Variants in DPP6 observed in about 807,000 individuals in gnomAD.
The protein encoded by DPP6 is dipeptidyl peptidase like 6, also known as A-type potassium channel modulatory protein DPP6.
DPP6 carries 69 observed loss-of-function variants against 122.6 expected under a neutral mutation model. The ratio of observed to expected loss-of-function variants is 0.56; its 90% CI spans 0.46 to 0.69. The LOEUF is 0.69. Among genes scored for constraint, DPP6 ranks in the 30% least tolerant of loss-of-function variants. DPP6 has a pLI of 0.00. For synonymous variants in DPP6, 418 were observed against 433.1 expected (o/e 0.97, Z 0.43); for missense variants, 928 against 1,116.9 (o/e 0.83, Z 2.41).
At chr7:153,867,114 G>A in the DPP6 span, among the ~76,000 whole-genome samples, 295 of 152,264 alleles carry the variant, frequency 1.9e-3, 2 homozygotes, top group African/African-American at 6.5e-3. Context: ...TTTGGCTTAC[G>A]ATTGACTTGG....
At chr7:154,631,870 T>C (rs1835429453) in intron 5 of DPP6, among the ~76,000 whole-genome samples, 1 of 152,158 alleles carries the variant, frequency 6.6e-6, no homozygotes, top group Non-Finnish European at 1.5e-5. Context: ...CAGGAGGGTA[T>C]GAGCTTAGTC....
the DPP6 span, among the ~76,000 whole-genome samples, chr7:153,831,795 A>G: frequency 6.6e-6 from 1 of 152,200 alleles, no homozygotes; most frequent in Non-Finnish European, 1.5e-5. Flanking sequence ...GATTGTTTGC[A>G]GACCTCGGGC....
chr7:153,807,750 C>T, the DPP6 span, among the ~76,000 whole-genome samples: 1 of 151,804 alleles, frequency 6.6e-6, no homozygotes, highest in African/African-American at 2.4e-5. Flanking sequence ...TAGACAGAGA[C>T]GTTGTCCGCC....
intron 16 of DPP6, among the ~76,000 whole-genome samples, chr7:154,810,065 A>G (rs140340537): frequency 9.8e-5 from 15 of 152,334 alleles, no homozygotes; most frequent in African/African-American, 3.1e-4. Flanking sequence ...CATGTTGGCC[A>G]GGCTGGTCTC....
rs572883805 is a variant in DPP6 at position 153,932,968 on chromosome 7, C to G, written c.51+45234C>G. Among the ~76,000 whole-genome samples the G allele has an allele frequency of 3.2e-4, 49 of 152,254 alleles. 1 individual carries two copies. In the South Asian group the frequency reaches 9.1e-3, roughly 28 times the overall value. ...TTCTTGTGGTAGTGAATAAGTCTCG[C>G]AAGATCTGATGGTTTTATAAAGGGG... On this transcript the variant is annotated intron_variant, in intron 1 of 25. Coordinates refer to the DPP6 transcript ENST00000404039.
At chr7:153,827,826 C>T in the DPP6 span, among the ~76,000 whole-genome samples, 1 of 152,182 alleles carries the variant, frequency 6.6e-6, no homozygotes, top group African/African-American at 2.4e-5. Flanking sequence ...GGGCTGCGCT[C>T]CCCGTGGTGT....
intron 23 of DPP6, among the ~76,000 whole-genome samples, chr7:154,888,796 T>A (rs1563331314): frequency 6.6e-6 from 1 of 152,200 alleles, no homozygotes; most frequent in Non-Finnish European, 1.5e-5. Context: ...GGAAATAGGT[T>A]TAGTGGAGAA....
chr7:154,145,578 G>A (rs575579616), intron 1 of DPP6, among the ~76,000 whole-genome samples: 166 of 147,982 alleles, frequency 1.1e-3, no homozygotes, highest in African/African-American at 4.0e-3. Context: ...TTGAAATGGA[G>A]AGTGAATGTG....
intron 8 of DPP6, among the ~76,000 whole-genome samples, chr7:154,752,813 T>C (rs1032546706): frequency 1.3e-5 from 2 of 152,320 alleles, no homozygotes; most frequent in Non-Finnish European, 1.5e-5. Context: ...CTGCAGCTGT[T>C]GGCCCAGGGG....
At chr7:154,771,867 G>A (rs1428405726) in intron 9 of DPP6, among the ~76,000 whole-genome samples, 1 of 152,210 alleles carries the variant, frequency 6.6e-6, no homozygotes, top group Non-Finnish European at 1.5e-5. Context: ...AGAGAAAAGT[G>A]TATGGGACTG....
At chr7:153,864,672 T>TAC in the DPP6 span, among the ~76,000 whole-genome samples, 1,381 of 135,230 alleles carry the variant, frequency 0.01, 10 homozygotes, top group Non-Finnish European at 0.013. Flanking sequence ...ATAATAATAA[T>TAC]ACACACACAC....
In DPP6 at chr7:154,075,938, T is replaced by C. The variant is rs567118291; in HGVS notation, c.243+22875T>C. 1.6e-3 allele frequency among the ~76,000 whole-genome samples: 245 copies of C among 151,914 alleles called. 1 individual carries two copies. Among genetic ancestry groups the C allele is most frequent in the Non-Finnish European group, 1.3e-3 (86 of 67,924 alleles). On this transcript the variant is annotated intron_variant, in intron 1 of 25. Transcript: ENST00000377770. ...TGCTCCTTTCCTAATTTAAATTAAA[T>C]TCATAGGTGATAAAATGTATATGCA...
chr7:154,442,545 G>A (rs554312519), intron 1 of DPP6, among the ~76,000 whole-genome samples: 1 of 152,236 alleles, frequency 6.6e-6, no homozygotes, highest in Non-Finnish European at 1.5e-5. Context: ...TGAGGAAAGG[G>A]GACATGGAAG....
chr7:153,985,730 A>G (rs39133), intron 1 of DPP6, among the ~76,000 whole-genome samples: 29,220 of 152,186 alleles, frequency 0.19, 3,219 homozygotes, highest in East Asian at 0.36. Context: ...GAAAATGACT[A>G]AATAACATTT....
chr7:154,212,266 C>T (rs1043835137), intron 1 of DPP6, among the ~76,000 whole-genome samples: 5 of 152,194 alleles, frequency 3.3e-5, no homozygotes, highest in Non-Finnish European at 7.3e-5. Flanking sequence ...TTTCCCCAGG[C>T]GCTTTCAACT....
intron 18 of DPP6, 21 bp downstream of exon 18, chr7:154,868,114 C>A: frequency 1.3e-6 from 2 of 1,579,022 alleles, no homozygotes; most frequent in East Asian, 2.3e-5. Flanking sequence ...CGTTTTTCCC[C>A]TCTAAAAGAA....
intron 1 of DPP6, among the ~76,000 whole-genome samples, chr7:154,093,329 ACAC>A (rs1474442083): frequency 3.4e-5 from 5 of 145,900 alleles, no homozygotes; most frequent in East Asian, 2.1e-4. Context: ...CACAACCTAC[ACAC>A]CACATCATAC....
At chr7:154,458,214 A>T (rs28705239) in intron 2 of DPP6, among the ~76,000 whole-genome samples, 60,259 of 151,908 alleles carry the variant, frequency 0.4, 13,068 homozygotes, top group Non-Finnish European at 0.48. Context: ...ACCCAGTGGG[A>T]GGTAATTGAA....
chr7:154,179,831 T>C (rs930053602), intron 1 of DPP6, among the ~76,000 whole-genome samples: 1 of 152,230 alleles, frequency 6.6e-6, no homozygotes, highest in African/African-American at 2.4e-5. Flanking sequence ...TCCACCATTG[T>C]AGTAAGCCCA....
Sources: allele counts gnomAD v4.1 joint callset (sites outside exome capture counted in the v4.1 genomes callset), GRCh38; gene constraint gnomAD v4.1.1; transcripts MANE v1.5; gene names NCBI Gene and HGNC (gene_info 2026-07-23, HGNC 2026-07-21).